The following TTBK2 variants were observed in gnomAD, a reference collection of about 807,000 sequenced individuals.
TTBK2 encodes the protein tau tubulin kinase 2.
Under a neutral mutation model 110.8 loss-of-function variants are expected in TTBK2, and 28 were observed. The observed-to-expected ratio is 0.25, with a 90% confidence interval of 0.19 to 0.35. TTBK2 has a LOEUF of 0.35. TTBK2 is among the 10% of genes least tolerant of loss of function. TTBK2 has a pLI of 1.00. For synonymous variants in TTBK2, 532 were observed against 527.3 expected (o/e 1.01, Z -0.12); for missense variants, 1,369 against 1,500.3 (o/e 0.91, Z 1.45).
intron 4 of TTBK2, among the ~76,000 whole-genome samples, chr15:42,839,066 A>G (rs1199200260): frequency 5.3e-5 from 8 of 152,144 alleles, no homozygotes; most frequent in Admixed American, 1.3e-4. Context: ...ACAGTATCCA[A>G]CAGGTAGTTT....
Position 42,816,944 on chromosome 15 carries a change from AT to A in TTBK2, c.603+87del, listed in dbSNP as rs66947001. ...AACAAATATACATATATATATATAT[AT>A]AAAATAATAATAAAATAAAAAAGAA... On this transcript the variant is annotated intron_variant, in intron 7 of 14. Transcript: ENST00000267890. 0.16 allele frequency: 102,174 copies of A among 637,454 alleles called. 9,130 individuals are homozygous for A. Among genetic ancestry groups the A allele is most frequent in the South Asian group, 0.27 (6,490 of 24,366 alleles). 39.5% of individuals were successfully genotyped at this position (637,454 alleles called of 1,614,324 possible).
intron 3 of TTBK2, among the ~76,000 whole-genome samples, chr15:42,865,515 A>T (rs889443182): frequency 1.6e-5 from 2 of 128,380 alleles, no homozygotes; most frequent in African/African-American, 7.4e-5. Flanking sequence ...AATAATACTA[A>T]AAAAAAAAAA....
chr15:42,796,841 A>G (rs1018703099), intron 9 of TTBK2, among the ~76,000 whole-genome samples: 1 of 152,266 alleles, frequency 6.6e-6, no homozygotes, highest in Non-Finnish European at 1.5e-5. Flanking sequence ...ACTGACTCAC[A>G]TGATTTAATC....
chr15:42,763,121 CATATAT>C (rs1191445554), intron 13 of TTBK2, among the ~76,000 whole-genome samples: 1 of 86,318 alleles, frequency 1.2e-5, no homozygotes, highest in Non-Finnish European at 1.9e-5. Flanking sequence ...TATATATACA[CATATAT>C]ATACATATAT....
intron 1 of TTBK2, among the ~76,000 whole-genome samples, chr15:42,909,357 T>C (rs1026179257): frequency 2.6e-5 from 4 of 152,224 alleles, no homozygotes; most frequent in East Asian, 3.8e-4. Context: ...GTCAGTAGTA[T>C]AGCATCTTCA....
chr15:42,806,739 C>T (rs1891483768), intron 9 of TTBK2, among the ~76,000 whole-genome samples: 1 of 152,162 alleles, frequency 6.6e-6, no homozygotes, highest in Non-Finnish European at 1.5e-5. Context: ...CTTCTCTAAC[C>T]TGTAACCCAG....
intron 1 of TTBK2, among the ~76,000 whole-genome samples, chr15:42,891,869 G>C (rs1160935720): frequency 6.6e-6 from 1 of 152,270 alleles, no homozygotes; most frequent in South Asian, 2.1e-4. Context: ...AGCTTTGTGG[G>C]ACTGAGCCCT....
At chr15:42,785,594 T>C (rs1481565529) in intron 10 of TTBK2, among the ~76,000 whole-genome samples, 1 of 152,212 alleles carries the variant, frequency 6.6e-6, no homozygotes, top group East Asian at 1.9e-4. Context: ...TATTTGTCTA[T>C]ATATTTCTTT....
intron 4 of TTBK2, among the ~76,000 whole-genome samples, chr15:42,836,950 G>C (rs1412446761): frequency 6.6e-6 from 1 of 152,150 alleles, no homozygotes; most frequent in Admixed American, 6.5e-5. Flanking sequence ...CCCCATGGGG[G>C]TATAATGAGG....
At chr15:42,859,664 T>C (rs1319426560) in intron 3 of TTBK2, among the ~76,000 whole-genome samples, 1 of 152,138 alleles carries the variant, frequency 6.6e-6, no homozygotes. Flanking sequence ...CAGTACATTA[T>C]GTCTAGCCAT....
intron 2 of TTBK2, among the ~76,000 whole-genome samples, chr15:42,874,757 G>A (rs1894747896): frequency 6.6e-6 from 1 of 151,098 alleles, no homozygotes. Context: ...GGAGGCCGAG[G>A]CGGGCGGATC....
intron 10 of TTBK2, among the ~76,000 whole-genome samples, chr15:42,786,288 C>G (rs1890411367): frequency 6.6e-6 from 1 of 151,942 alleles, no homozygotes; most frequent in Admixed American, 6.6e-5. Context: ...AATAAACTGG[C>G]TACTAACAGA....
intron 2 of TTBK2, among the ~76,000 whole-genome samples, chr15:42,878,013 C>T (rs1894878819): frequency 7.0e-6 from 1 of 143,458 alleles, no homozygotes; most frequent in Non-Finnish European, 1.5e-5. Context: ...TACAATTTTC[C>T]TTAATAAAAA....
At position 42,753,184 on chromosome 15, in the gene TTBK2, G is replaced by C. The variant is rs781635869; in HGVS notation, c.2062C>G (p.Gln688Glu). The change falls in exon 14 of 15, where the codon CAG (glutamine) becomes GAG (glutamate). Residue 688 changes from glutamine to glutamate, a missense_variant. Gln to Glu is a conservative substitution (Grantham distance 29). Coordinates refer to ENST00000267890, the MANE Select transcript of TTBK2 (RefSeq NM_173500.4). Reference protein sequence around the residue: ...QSTSGSFHCGQQPEKKDLQPM... With the variant: ...QSTSGSFHCGEQPEKKDLQPM... ...TGAAGATCTTTCTTCTCTGGCTGCTGACCACAGTGAAAGCTTCCTGAAGTT... is the reference window on the plus strand; with the variant it reads ...TGAAGATCTTTCTTCTCTGGCTGCTCACCACAGTGAAAGCTTCCTGAAGTT... 11 of 1,610,788 alleles carry C rather than the reference G, an allele frequency of 6.8e-6. No homozygotes were observed. The African/African-American group carries it at 1.5e-4, about 22-fold the overall frequency.
At chr15:42,821,278 G>C (rs1262921799) in intron 6 of TTBK2, among the ~76,000 whole-genome samples, 1 of 152,172 alleles carries the variant, frequency 6.6e-6, no homozygotes, top group African/African-American at 2.4e-5. Flanking sequence ...TAGGGAGCAG[G>C]GGGAAGAATC....
chr15:42,801,993 G>T, intron 9 of TTBK2: 1 of 1,523,360 alleles, frequency 6.6e-7, no homozygotes, highest in Non-Finnish European at 9.0e-7. Context: ...TGTAGCTCTC[G>T]AACATGTTGT....
At chr15:42,849,717 T>C (rs1266805779) in intron 3 of TTBK2, among the ~76,000 whole-genome samples, 1 of 152,208 alleles carries the variant, frequency 6.6e-6, no homozygotes, top group Non-Finnish European at 1.5e-5. Context: ...ATTTAATGTG[T>C]TCCATAAGTA....
Position 42,775,197 on chromosome 15 carries a change from G to T in TTBK2, c.1936C>A (p.Gln646Lys). Residue 646 changes from glutamine (Q) to lysine (K), a missense_variant, in exon 13 of 15, where the codon CAG becomes AAG. This residue lies in a region of TTBK2 where 1,097 missense variants were observed against 1,114.7 expected (regional missense o/e 0.98). Coordinates refer to ENST00000267890, the MANE Select transcript of TTBK2 (RefSeq NM_173500.4). ...CTTGTGGGCGTCGCTGCAATAAACT[G>T]ACTAGCAGCTCCAGGCTGGAGTTCC... ...RLELQPGAASQFIAATPTSLM... is the reference protein window; with the variant it reads ...RLELQPGAASKFIAATPTSLM... The T allele has an allele frequency of 1.2e-6, 2 of 1,614,174 alleles. No individual in the cohort carries two copies. The highest frequency in any genetic ancestry group is 1.1e-5 in the South Asian group (1 of 91,036).
chr15:42,855,179 G>C (rs986695547), intron 3 of TTBK2: 6 of 152,144 alleles, frequency 3.9e-5, no homozygotes, highest in Admixed American at 3.3e-4. Flanking sequence ...TCGGGTTCAA[G>C]TGATTCTCCT....
Sources: gnomAD v4.1 joint callset for allele counts (sites outside exome capture counted in the v4.1 genomes callset) on GRCh38, gnomAD v4.1.1 for gene constraint, gnomAD v4.1.1 regional missense constraint, MANE v1.5 for transcripts, NCBI Gene and HGNC (gene_info 2026-07-23, HGNC 2026-07-21) for gene names.